SPTBN1: variants seen among roughly 807,000 people sequenced by gnomAD.
SPTBN1 encodes spectrin beta chain, non-erythrocytic 1.
SPTBN1 carries 32 observed loss-of-function variants against 266.4 expected under a neutral mutation model. The observed-to-expected ratio is 0.12, with a 90% CI of 0.09 to 0.16. The LOEUF is 0.16. SPTBN1 is among the 10% of genes least tolerant of loss of function. The pLI, the probability that SPTBN1 is intolerant of heterozygous loss-of-function variation, is 1.00. For missense variants in SPTBN1, 2,296 were observed against 3,067.1 expected, an observed-to-expected ratio of 0.75 and a Z score of 5.94; for synonymous variants, 1,336 against 1,162.2, an observed-to-expected ratio of 1.15 and a Z score of -3.04.
Position 54,617,641 on chromosome 2 carries a change from T to C in SPTBN1, c.600T>C (p.Thr200=). ...ATGTCAACATTCACAATTTCACCAC[T>C]AGCTGGAGGGACGGCATGGCCTTCA... ...YPNVNIHNFT[T]SWRDGMAFNA... The change falls in exon 6 of 36, where the codon ACT becomes ACC. Residue 200 remains threonine (T), a synonymous_variant. Transcript: ENST00000356805. The C allele has an allele frequency of 6.2e-7, 1 of 1,614,138 alleles. No individual in the cohort carries two copies. Among genetic ancestry groups the C allele is most frequent in the Non-Finnish European group, 8.5e-7 (1 of 1,179,996 alleles).
At chr2:54,639,499 A>G (rs1439334819) in intron 18 of SPTBN1, among the ~76,000 whole-genome samples, 2 of 152,242 alleles carry the variant, frequency 1.3e-5, no homozygotes, top group South Asian at 4.1e-4. Context: ...TAAATCTAAG[A>G]AAAAGAAGAC....
At chr2:54,614,655 T>C (rs759791925) in intron 4 of SPTBN1, among the ~76,000 whole-genome samples, 4 of 151,848 alleles carry the variant, frequency 2.6e-5, no homozygotes, top group African/African-American at 7.3e-5. Flanking sequence ...ATACAAAAAT[T>C]AGCCAGGTGT....
rs1164932684 is a variant in SPTBN1, at chr2:54,628,847, T to C, written c.1799-86T>C. ...CAGTGAGCTGGTAATCATAAGAATA[T>C]GGGGTGTAGCTTACTGCCTGCCAGT... On this transcript the variant is annotated intron_variant, in intron 13 of 35. Coordinates refer to ENST00000356805, the MANE Select transcript of SPTBN1 (RefSeq NM_003128.3). The surrounding 1 kb of genome is among the most constrained non-coding windows in gnomAD (Gnocchi z 4.3). 2.7e-6 allele frequency: 4 copies of C among 1,480,568 alleles called. No individual in the cohort carries two copies. Among genetic ancestry groups the C allele is most frequent in the Admixed American group, 4.5e-5 (2 of 44,056 alleles). 91.7% of individuals were successfully genotyped at this position (1,480,568 alleles called of 1,614,324 possible). A position where few individuals can be genotyped will look rare whatever the true frequency, so the allele number is the denominator to read the frequency against.
chr2:54,559,508 A>G (rs1419504777), intron 2 of SPTBN1, among the ~76,000 whole-genome samples: 8 of 152,200 alleles, frequency 5.3e-5, no homozygotes, highest in Non-Finnish European at 5.9e-5. Context: ...GATCAATTAC[A>G]GGTTTCTTGG....
chr2:54,563,592 T>C (rs944383362), intron 2 of SPTBN1, among the ~76,000 whole-genome samples: 1 of 129,704 alleles, frequency 7.7e-6, no homozygotes, highest in African/African-American at 2.8e-5. Context: ...GAAAATTTAT[T>C]CTTTTTTTTT....
chr2:54,522,691 GAGAGAGAGAA>G, intron 1 of SPTBN1, among the ~76,000 whole-genome samples: 2 of 142,912 alleles, frequency 1.4e-5, no homozygotes, highest in Non-Finnish European at 3.1e-5. Context: ...GAGAGAGAGA[GAGAGAGAGAA>G]AGAAAGAAAG....
intron 7 of SPTBN1, 94 bp from the exon 8 acceptor site, chr2:54,621,305 TC>T (rs1178017139): frequency 2.2e-5 from 18 of 826,380 alleles, no homozygotes; most frequent in Non-Finnish European, 3.2e-5. Flanking sequence ...GCTGAACTGT[TC>T]CATGTTGACC....
Position 54,485,024 on chromosome 2 carries a change from T to C in SPTBN1, c.-48+28506T>C, listed in dbSNP as rs189713344. Among the ~76,000 whole-genome samples the C allele has an allele frequency of 1.4e-4, 21 of 152,332 alleles. No individual in the cohort carries two copies. The East Asian group carries it at 3.9e-3, about 28-fold the overall frequency. On this transcript the variant is annotated intron_variant, in intron 1 of 35. Coordinates refer to ENST00000356805, the MANE Select transcript of SPTBN1 (RefSeq NM_003128.3). ...TATGAAAGACAGTGAAGGATTCTTA[T>C]CACACAGTGTGTAGACCATGCGCCT...
In SPTBN1 at chr2:54,623,586, A is replaced by C; in HGVS notation, c.1172A>C (p.Asp391Ala). The C allele has an allele frequency of 6.2e-7, 1 of 1,613,880 alleles. No individual in the cohort carries two copies. The highest frequency in any genetic ancestry group is 8.5e-7 in the Non-Finnish European group (1 of 1,179,872). Reference protein sequence around the residue: ...YMPREGKLISDINKAWERLEK... With the variant: ...YMPREGKLISAINKAWERLEK... ...CCCCGGGAGGGGAAGCTCATCTCTG[A>C]CATCAACAAGGTAAAGTGGATCTGG... The change falls in exon 10 of 36, where the codon GAC (aspartate) becomes GCC (alanine). Residue 391 changes from aspartate (D) to alanine (A), a missense_variant. By Grantham distance (126) the Asp-to-Ala change is moderately radical (BLOSUM62 -2). Around this residue, in one of 12 missense-constraint regions of SPTBN1, gnomAD observed 148 missense variants for 203.8 expected, o/e 0.73. Coordinates refer to ENST00000356805, the MANE Select transcript of SPTBN1 (RefSeq NM_003128.3).
At chr2:54,487,176 T>C (rs1668443445) in intron 1 of SPTBN1, among the ~76,000 whole-genome samples, 2 of 131,970 alleles carry the variant, frequency 1.5e-5, no homozygotes, top group East Asian at 2.3e-4. Flanking sequence ...ATTTCTTTTT[T>C]TTTTTTTTTT....
At chr2:54,485,774 C>G (rs1668337052) in intron 1 of SPTBN1, among the ~76,000 whole-genome samples, 4 of 150,080 alleles carry the variant, frequency 2.7e-5, no homozygotes, top group African/African-American at 7.4e-5. Context: ...GCCATCACAT[C>G]TAGGAAGTGA....
intron 34 of SPTBN1, among the ~76,000 whole-genome samples, chr2:54,667,054 T>G (rs1681417306): frequency 6.6e-6 from 1 of 152,200 alleles, no homozygotes; most frequent in Non-Finnish European, 1.5e-5. Context: ...CCTCGTCCTC[T>G]CCGCAGCCAC....
chr2:54,639,261 C>T (rs893536573), intron 18 of SPTBN1, among the ~76,000 whole-genome samples: 3 of 152,192 alleles, frequency 2.0e-5, no homozygotes, highest in Non-Finnish European at 2.9e-5. Context: ...ATACCAGTTG[C>T]CATTTTTCAC....
intron 2 of SPTBN1, among the ~76,000 whole-genome samples, chr2:54,562,450 T>C (rs1673366365): frequency 6.6e-6 from 1 of 152,166 alleles, no homozygotes; most frequent in Non-Finnish European, 1.5e-5. Flanking sequence ...CATCCCTGGG[T>C]TTCACGCTTA....
intron 1 of SPTBN1, among the ~76,000 whole-genome samples, chr2:54,465,162 A>T (rs897693078): frequency 5.9e-5 from 9 of 152,244 alleles, no homozygotes; most frequent in African/African-American, 2.2e-4. Context: ...AAGAGCAATG[A>T]TACAGTGTGT....
chr2:54,630,054 C>T, intron 15 of SPTBN1, 25 bp downstream of exon 15: 9 of 1,607,944 alleles, frequency 5.6e-6, no homozygotes, highest in South Asian at 1.1e-5. Context: ...AGCAGTGTGC[C>T]AGCCTCCCAC....
intron 6 of SPTBN1, 57 bp from the exon 7 acceptor site, chr2:54,618,021 A>T: frequency 7.5e-7 from 1 of 1,339,958 alleles, no homozygotes; most frequent in Non-Finnish European, 1.1e-6. Flanking sequence ...ATGTTTCATT[A>T]GTCATATTTC....
At chr2:54,618,593 TAGC>T (rs1677790082) in intron 7 of SPTBN1, among the ~76,000 whole-genome samples, 1 of 152,240 alleles carries the variant, frequency 6.6e-6, no homozygotes, top group Non-Finnish European at 1.5e-5. Context: ...TGAAGGTTCT[TAGC>T]AGCTGTGCTC....
chr2:54,567,930 G>A (rs898651566), intron 2 of SPTBN1, among the ~76,000 whole-genome samples: 1 of 152,168 alleles, frequency 6.6e-6, no homozygotes, highest in African/African-American at 2.4e-5. Flanking sequence ...AATTTTGAAA[G>A]TGAAATAGGG....
Sources: gnomAD v4.1 joint callset for allele counts (sites outside exome capture counted in the v4.1 genomes callset) on GRCh38, gnomAD v4.1.1 for gene constraint, gnomAD v4.1.1 regional missense constraint, Gnocchi (gnomAD v3.1) non-coding constraint, MANE v1.5 for transcripts, NCBI Gene and HGNC (gene_info 2026-07-23, HGNC 2026-07-21) for gene names.